The following ROS1 variants were observed in gnomAD, a reference collection of about 807,000 sequenced individuals.
The protein encoded by ROS1 is ROS proto-oncogene 1, receptor tyrosine kinase, also known as proto-oncogene tyrosine-protein kinase ROS.
ROS1 carries 263 observed loss-of-function variants against 273.5 expected under a neutral mutation model. The observed-to-expected ratio is 0.96, with a 90% CI of 0.87 to 1.06. The LOEUF (loss-of-function observed/expected upper bound fraction) is 1.06, where lower values mean the gene tolerates loss of function less well. Ranked by LOEUF, ROS1 falls within the 50% of genes least tolerant of loss-of-function variation. The probability of loss-of-function intolerance (pLI) is 0.00; values close to 1 mark genes in which losing one functional copy is unlikely to be tolerated. For synonymous variants in ROS1, 1,008 were observed against 954.1 expected (o/e 1.06, Z -1.04); for missense variants, 2,833 against 2,751.1 (o/e 1.03, Z -0.67).
intron 35 of ROS1, among the ~76,000 whole-genome samples, chr6:117,321,827 C>T (rs1278607497): frequency 8.0e-6 from 1 of 125,006 alleles, no homozygotes; most frequent in Non-Finnish European, 1.6e-5. Context: ...AGTATAATGG[C>T]AATTTTTTTT....
At position 117,356,667 on chromosome 6, in the gene ROS1, C is replaced by G. The variant is rs949132311; in HGVS notation, c.4088G>C (p.Cys1363Ser). 5.7e-5 allele frequency: 92 copies of G among 1,613,964 alleles called. No homozygotes were observed. The highest frequency in any genetic ancestry group is 7.4e-5 in the Non-Finnish European group (87 of 1,179,970). The part of the protein sequence containing the change: ...QEIWAMDLEG[C>S]QCWRVITVPA... ...TACTGTGATAACTCTCCAACACTGA[C>G]AGCCTTCCAGATCCATTGCCCAGAT... is the stretch of plus-strand genomic sequence containing the variant. Residue 1363 changes from cysteine to serine, a missense_variant, in exon 26 of 44, where the codon TGT becomes TCT. Physicochemically the swap from Cys to Ser is moderately radical, Grantham distance 112. Transcript: ENST00000368507.
chr6:117,404,483 G>C, intron 5 of ROS1, 55 bp from the exon 6 acceptor site: 1 of 1,548,542 alleles, frequency 6.5e-7, no homozygotes, highest in Non-Finnish European at 8.8e-7. Context: ...CAGCGCAAGA[G>C]AGTGTGTGCC....
In ROS1 at chr6:117,369,967, G is replaced by A. The variant is rs144568213; in HGVS notation, c.2583-3677C>T. Among the ~76,000 whole-genome samples, 919 of 151,982 alleles carry A rather than the reference G, an allele frequency of 6.0e-3. 10 individuals carry two copies. Among genetic ancestry groups the A allele is most frequent in the African/African-American group, 0.02 (849 of 41,456 alleles). On this transcript the variant is annotated intron_variant, in intron 18 of 43. Transcript: ENST00000368507. ...TATATGTACATGCATATACACATAT[G>A]TATATACATATATGTACATACGGAT...
chr6:117,364,084 T>G (rs542322653), intron 21 of ROS1, among the ~76,000 whole-genome samples: 1 of 152,238 alleles, frequency 6.6e-6, no homozygotes, highest in African/African-American at 2.4e-5. Flanking sequence ...TGCAGTCAAG[T>G]CCATTTCCAC....
In ROS1 at chr6:117,389,531, A is replaced by G. The variant is rs552983460; in HGVS notation, c.1605T>C (p.Asn535=). The G allele has an allele frequency of 1.2e-6, 2 of 1,614,242 alleles. No individual in the cohort carries two copies. The highest frequency in any genetic ancestry group is 1.7e-6 in the Non-Finnish European group (2 of 1,180,050). Residue 535 remains asparagine (N), a synonymous_variant, in exon 13 of 44, where the codon AAT becomes AAC. Transcript: ENST00000368507. ...TCAGGTCACATCCCACGATGAATTC[A>G]TTAAAAGACAAAGCATCCTGTTGGA... ...VIFQQDALSF[N]EFIVGCDLSH...
chr6:117,324,246 G>A (rs2128574520), intron 35 of ROS1, 86 bp downstream of exon 35: 1 of 703,432 alleles, frequency 1.4e-6, no homozygotes, highest in Non-Finnish European at 2.5e-6. Flanking sequence ...TTTCATGTGG[G>A]AGATTAGATC....
At chr6:117,377,496 T>G (rs1307288078) in intron 18 of ROS1, among the ~76,000 whole-genome samples, 1 of 151,776 alleles carries the variant, frequency 6.6e-6, no homozygotes, top group South Asian at 2.1e-4. Flanking sequence ...CAACTGGATA[T>G]CCCTACAGAA....
intron 43 of ROS1, among the ~76,000 whole-genome samples, chr6:117,295,664 C>T (rs1227308591): frequency 6.6e-6 from 1 of 151,954 alleles, no homozygotes; most frequent in Non-Finnish European, 1.5e-5. Flanking sequence ...ATAGTCTGAT[C>T]AAAAAATGGG....
intron 43 of ROS1, among the ~76,000 whole-genome samples, chr6:117,294,575 A>G (rs1389388058): frequency 6.6e-6 from 1 of 152,156 alleles, no homozygotes; most frequent in Non-Finnish European, 1.5e-5. Context: ...TGCTCTTATC[A>G]TTGAAACTCT....
At chr6:117,356,544 T>C (rs1445471648) in intron 26 of ROS1, 85 bp downstream of exon 26, 8 of 1,182,240 alleles carry the variant, frequency 6.8e-6, no homozygotes, top group African/African-American at 1.5e-5. Flanking sequence ...TATTTGAGTA[T>C]ACGCGGAATG....
Position 117,362,607 on chromosome 6 carries a change from A to G in ROS1, c.3362T>C (p.Phe1121Ser), listed in dbSNP as rs750215153. Residue 1121 changes from phenylalanine to serine, a missense_variant, in exon 22 of 44, where the codon TTC (phenylalanine) becomes TCC (serine). By Grantham distance (155) the Phe-to-Ser change is radical. Transcript: ENST00000368507. ...EGMSPRCFIA[F>S]QVRAFTSKGP... is the part of the protein sequence containing the mutation. ...CTTCTGTTTTCTCTCTCATACCTGG[A>G]AGGCAATAAAGCATCTGGGACTCAT... 5 of 1,612,064 alleles carry G rather than the reference A, an allele frequency of 3.1e-6. No individual in the cohort carries two copies. The Admixed American group carries it at 8.4e-5, about 27-fold the overall frequency.
intron 39 of ROS1, among the ~76,000 whole-genome samples, chr6:117,315,241 TAGG>T (rs1423422852): frequency 6.6e-6 from 1 of 151,414 alleles, no homozygotes; most frequent in African/African-American, 2.4e-5. Flanking sequence ...AGCTAGAAAA[TAGG>T]AGAGAGCAGC....
At chr6:117,332,751 T>C (rs1777177297) in intron 32 of ROS1, among the ~76,000 whole-genome samples, 1 of 152,090 alleles carries the variant, frequency 6.6e-6, no homozygotes, top group Non-Finnish European at 1.5e-5. Flanking sequence ...GGCTCCTGGG[T>C]AAATAATGAA....
At chr6:117,419,254 C>G (rs983302922) in intron 1 of ROS1, among the ~76,000 whole-genome samples, 9 of 152,220 alleles carry the variant, frequency 5.9e-5, no homozygotes, top group African/African-American at 2.2e-4. Context: ...AACAGGTGTT[C>G]AATAAATACT....
chr6:117,336,078 A>G (rs1777438747), intron 32 of ROS1, among the ~76,000 whole-genome samples: 1 of 152,296 alleles, frequency 6.6e-6, no homozygotes. Context: ...TTAACAATAT[A>G]TCTCAACTTG....
At position 117,404,390 on chromosome 6, in the gene ROS1, T is replaced by C. The variant is rs755166521; in HGVS notation, c.355A>G (p.Ile119Val). Reference protein sequence around the residue: ...DLPTAPFASSIGSHNMTLRWK... With the variant: ...DLPTAPFASSVGSHNMTLRWK... ...CGTAATGTCATATTGTGGCTTCCAATGGAAGAAGCAAAGGGAGCAGTTGGT... is the reference window on the plus strand; with the variant it reads ...CGTAATGTCATATTGTGGCTTCCAACGGAAGAAGCAAAGGGAGCAGTTGGT... Residue 119 changes from isoleucine to valine, a missense_variant, in exon 6 of 44, where the codon ATT becomes GTT. Coordinates refer to ENST00000368507, the MANE Select transcript of ROS1 (RefSeq NM_001378902.1). 13 of 1,613,754 alleles carry C rather than the reference T, an allele frequency of 8.1e-6. No individual in the cohort carries two copies. In the South Asian group the frequency reaches 1.2e-4, roughly 15 times the overall value.
chr6:117,407,085 A>G (rs1774472278), intron 5 of ROS1, among the ~76,000 whole-genome samples: 1 of 152,006 alleles, frequency 6.6e-6, no homozygotes. Context: ...AAAAAATGTA[A>G]TATCACTACC....
At chr6:117,308,693 G>C (rs748552738) in intron 42 of ROS1, 101 bp downstream of exon 42, 1 of 1,178,266 alleles carries the variant, frequency 8.5e-7, no homozygotes, top group Non-Finnish European at 1.2e-6. Context: ...TTAAGTTCCA[G>C]TTCTTATTTT....
chr6:117,353,161 T>G lies in ROS1; in HGVS notation c.4132A>C (p.Thr1378Pro), dbSNP rs183156700. ...CCATCCACAGTTAAGCTAACAAGGG[T>G]TTTTCCTGCTGTTAAAAACATAAGG... ...VITVPAMLGKTLVSLTVDGDL... is the reference protein window; with the variant it reads ...VITVPAMLGKPLVSLTVDGDL... The change falls in exon 27 of 44, where the codon ACC becomes CCC. Residue 1378 changes from threonine (T) to proline (P), a missense_variant. Transcript: ENST00000368507. The G allele has an allele frequency of 7.5e-6, 12 of 1,601,848 alleles. No individual in the cohort carries two copies. Among genetic ancestry groups the G allele is most frequent in the African/African-American group, 1.3e-5 (1 of 74,720 alleles).
Sources: gnomAD v4.1 joint callset for allele counts (sites outside exome capture counted in the v4.1 genomes callset) on GRCh38, gnomAD v4.1.1 for gene constraint, MANE v1.5 for transcripts, NCBI Gene and HGNC (gene_info 2026-07-23, HGNC 2026-07-21) for gene names.